Variants in VAPA observed in about 807,000 individuals in gnomAD.
VAPA encodes VAMP associated protein A.
Under a neutral mutation model 25.6 loss-of-function variants are expected in VAPA, and 6 were observed. That is an observed-to-expected ratio of 0.23 (90% CI 0.13 to 0.46). VAPA has a LOEUF of 0.46. Ranked by LOEUF, VAPA falls within the 20% of genes least tolerant of loss-of-function variation. VAPA has a pLI of 0.99. For missense variants in VAPA, 244 were observed against 302.1 expected, an observed-to-expected ratio of 0.81 and a Z score of 1.43; for synonymous variants, 112 against 106.2, an observed-to-expected ratio of 1.05 and a Z score of -0.34.
intron 1 of VAPA, among the ~76,000 whole-genome samples, chr18:9,915,367 CA>C (rs775871703): frequency 3.3e-5 from 5 of 152,166 alleles, no homozygotes; most frequent in Non-Finnish European, 7.3e-5. Flanking sequence ...GGAAGAATCC[CA>C]GGGGCTTTTG....
intron 2 of VAPA, among the ~76,000 whole-genome samples, chr18:9,935,728 G>T (rs1192998313): frequency 6.6e-6 from 1 of 152,146 alleles, no homozygotes; most frequent in Non-Finnish European, 1.5e-5. Context: ...GAGCTTATAG[G>T]CATTATAGTT....
chr18:9,929,048 A>G (rs979712400), intron 1 of VAPA, among the ~76,000 whole-genome samples: 68 of 152,174 alleles, frequency 4.5e-4, no homozygotes, highest in African/African-American at 1.6e-3. Flanking sequence ...GATGTGTTGT[A>G]TTGGTGATTC....
intron 1 of VAPA, among the ~76,000 whole-genome samples, chr18:9,921,359 A>G (rs1353656801): frequency 6.6e-6 from 1 of 152,182 alleles, no homozygotes; most frequent in Non-Finnish European, 1.5e-5. Flanking sequence ...GGTTAGGACT[A>G]GGTGATTTCT....
intron 1 of VAPA, among the ~76,000 whole-genome samples, chr18:9,930,950 T>C (rs998599877): frequency 3.9e-5 from 6 of 152,160 alleles, no homozygotes; most frequent in African/African-American, 1.4e-4. Flanking sequence ...AAGACATGCT[T>C]ATTCTTAAGA....
chr18:9,924,886 T>C (rs75351367), intron 1 of VAPA: 1 of 141,808 alleles, frequency 7.1e-6, no homozygotes. Context: ...TACATTATGC[T>C]TTTTTTTTTT....
chr18:9,959,798 A>G lies in VAPA; in HGVS notation c.*5587A>G, dbSNP rs1356129387. ...TTGGAATCTTTTGTATTTTCGAGCA[A>G]TAAGAATTCCTATTCTTGTTTCAAA... On this transcript the variant is annotated 3_prime_UTR_variant, in exon 6 of 6. Transcript: ENST00000400000. 2.6e-5 allele frequency: 4 copies of G among 151,680 alleles called. No homozygotes were observed. Among genetic ancestry groups the G allele is most frequent in the Non-Finnish European group, 5.9e-5 (4 of 67,928 alleles). The allele number at this position is 151,680 out of a possible 1,614,324, so 9.4% of individuals were successfully genotyped here. A position where few individuals can be genotyped will look rare whatever the true frequency, so the allele number is the denominator to read the frequency against.
At chr18:9,925,958 TAGAGTCA>T in intron 1 of VAPA, among the ~76,000 whole-genome samples, 1 of 152,166 alleles carries the variant, frequency 6.6e-6, no homozygotes, top group Non-Finnish European at 1.5e-5. Flanking sequence ...GTTCAGGCCC[TAGAGTCA>T]GACCTGGTTT....
intron 4 of VAPA, among the ~76,000 whole-genome samples, chr18:9,938,690 T>TA (rs1310452706): frequency 6.6e-6 from 1 of 152,202 alleles, no homozygotes; most frequent in African/African-American, 2.4e-5. Flanking sequence ...TGAACCTTGA[T>TA]TAGCTAGCTG....
At chr18:9,917,614 G>T (rs931510570) in intron 1 of VAPA, among the ~76,000 whole-genome samples, 2 of 152,162 alleles carry the variant, frequency 1.3e-5, no homozygotes, top group African/African-American at 4.8e-5. Context: ...GTTTGAAGAA[G>T]AAAGTTTATA....
chr18:9,919,263 A>G (rs973968845), intron 1 of VAPA, among the ~76,000 whole-genome samples: 3 of 152,186 alleles, frequency 2.0e-5, no homozygotes, highest in Admixed American at 6.5e-5. Flanking sequence ...CTGTGTTTCT[A>G]TTTTTGACAT....
At chr18:9,941,068 C>G (rs1485038841) in intron 4 of VAPA, among the ~76,000 whole-genome samples, 1 of 151,698 alleles carries the variant, frequency 6.6e-6, no homozygotes, top group Non-Finnish European at 1.5e-5. Context: ...GCGTATTTGC[C>G]TATTAAAGGC....
At chr18:9,921,515 A>G (rs1356924050) in intron 1 of VAPA, among the ~76,000 whole-genome samples, 2 of 152,244 alleles carry the variant, frequency 1.3e-5, no homozygotes, top group African/African-American at 4.8e-5. Flanking sequence ...CATTGTGTAT[A>G]TTTGAGGTAT....
chr18:9,950,407 C>G lies in VAPA; in HGVS notation c.430C>G (p.Pro144Ala). The change falls in exon 5 of 6, where the codon CCT becomes GCT. Residue 144 changes from proline to alanine, a missense_variant. This residue lies in a region of VAPA where 145 missense variants were observed against 140.6 expected (regional missense o/e 1.03). Coordinates refer to ENST00000400000, the MANE Select transcript of VAPA (RefSeq NM_194434.3). The stretch of plus-strand genomic sequence containing the variant: ...CTTTGTAATGCAGAATGATATGGAA[C>G]CTAGCAAAGCTGTTCCACTGAATGC... ...NENDKLNDME[P>A]SKAVPLNASK... 6.2e-7 allele frequency: 1 copy of G among 1,613,212 alleles called. No individual in the cohort carries two copies. Among genetic ancestry groups the G allele is most frequent in the Non-Finnish European group, 8.5e-7 (1 of 1,179,782 alleles).
Position 9,914,304 on chromosome 18 carries a change from C to G in VAPA, c.48C>G (p.Val16=), listed in dbSNP as rs376850116. The change falls in exon 1 of 6, where the codon GTC becomes GTG. Residue 16 remains valine (V), a synonymous_variant. Coordinates refer to ENST00000400000, the MANE Select transcript of VAPA (RefSeq NM_194434.3). ...GAMAKHEQIL[V]LDPPTDLKFK... is the part of the protein sequence containing the mutation. ...TGGCGAAGCACGAGCAGATCCTGGT[C>G]CTCGATCCGCCCACAGACCTCAAAT... The G allele has an allele frequency of 6.3e-7, 1 of 1,589,208 alleles. No homozygotes were observed. Among genetic ancestry groups the G allele is most frequent in the African/African-American group, 1.4e-5 (1 of 71,402 alleles).
rs193113402 is a variant in VAPA at position 9,935,736 on chromosome 18, G to A, written c.233-374G>A. Among the ~76,000 whole-genome samples, 457 of 152,292 alleles carry A rather than the reference G, an allele frequency of 3.0e-3. 11 individuals are homozygous for A. Among genetic ancestry groups the A allele is most frequent in the Non-Finnish European group, 5.7e-4 (39 of 68,030 alleles). ...TTAATCTGAGCTTATAGGCATTATAGTTAACGTTGGCAAAGTTTTGAAAAT... is the reference window on the plus strand; with the variant it reads ...TTAATCTGAGCTTATAGGCATTATAATTAACGTTGGCAAAGTTTTGAAAAT... On this transcript the variant is annotated intron_variant, in intron 2 of 5. Transcript: ENST00000400000.
chr18:9,946,528 T>G (rs532196118), intron 4 of VAPA, among the ~76,000 whole-genome samples: 1 of 151,956 alleles, frequency 6.6e-6, no homozygotes, highest in African/African-American at 2.4e-5. Context: ...GTATTTTATG[T>G]GTGGCCCAAG....
intron 4 of VAPA, among the ~76,000 whole-genome samples, chr18:9,947,089 G>T (rs905529767): frequency 1.3e-5 from 2 of 152,112 alleles, no homozygotes; most frequent in Admixed American, 6.5e-5. Flanking sequence ...TAACACTCAT[G>T]GAGCTGACAT....
rs921759803 is a variant in VAPA, at chr18:9,959,077, G to T, written c.*4866G>T. ...GTGAAATACTTATCTCCATCCTATG[G>T]AATAGGGGAGACGGGTTTAGACAGG... On this transcript the variant is annotated 3_prime_UTR_variant, in exon 6 of 6. Transcript: ENST00000400000. 6.6e-6 allele frequency: 1 copy of T among 152,126 alleles called. No individual in the cohort carries two copies. Among genetic ancestry groups the T allele is most frequent in the African/African-American group, 2.4e-5 (1 of 41,440 alleles). The allele number at this position is 152,126 out of a possible 1,614,324, so 9.4% of individuals were successfully genotyped here.
At chr18:9,941,943 T>G (rs949891309) in intron 4 of VAPA, among the ~76,000 whole-genome samples, 1 of 152,218 alleles carries the variant, frequency 6.6e-6, no homozygotes, top group Non-Finnish European at 1.5e-5. Context: ...TTTTATCTTA[T>G]AGTTATGATT....
Sources: allele counts gnomAD v4.1 joint callset (sites outside exome capture counted in the v4.1 genomes callset), GRCh38; gene constraint gnomAD v4.1.1; regional missense constraint gnomAD v4.1.1; transcripts MANE v1.5; gene names NCBI Gene and HGNC (gene_info 2026-07-23, HGNC 2026-07-21).